The following GPHN variants were observed in gnomAD, a reference collection of about 807,000 sequenced individuals.
GPHN encodes the protein gephyrin.
GPHN carries 17 observed loss-of-function variants against 95.5 expected under a neutral mutation model. The observed-to-expected ratio is 0.18, with a 90% CI of 0.12 to 0.27. The LOEUF (loss-of-function observed/expected upper bound fraction) is 0.27. Ranked by LOEUF, GPHN falls within the 10% of genes least tolerant of loss-of-function variation. The pLI is 1.00. For missense variants in GPHN, 660 were observed against 978.1 expected (o/e 0.67, Z 4.34); for synonymous variants, 320 against 322.5 (o/e 0.99, Z 0.08).
At chr14:67,139,200 T>G (rs796828520) in intron 17 of GPHN, among the ~76,000 whole-genome samples, 5 of 150,650 alleles carry the variant, frequency 3.3e-5, no homozygotes, top group Admixed American at 6.6e-5. Flanking sequence ...TCCAGCCTGG[T>G]CAACAAAGCA....
chr14:67,230,621 T>G, the GPHN span, among the ~76,000 whole-genome samples: 1 of 151,930 alleles, frequency 6.6e-6, no homozygotes, highest in Non-Finnish European at 1.5e-5. Flanking sequence ...AAAAACATGT[T>G]CACAAGACAT....
the GPHN span, among the ~76,000 whole-genome samples, chr14:67,236,334 C>T: frequency 3.9e-5 from 6 of 152,124 alleles, no homozygotes; most frequent in South Asian, 2.1e-4. Context: ...TGTTCCCACC[C>T]GCACCTTCAC....
intron 6 of GPHN, among the ~76,000 whole-genome samples, 179 bp from the exon 7 acceptor site, chr14:66,922,487 A>G (rs1483620998): frequency 1.3e-5 from 2 of 152,158 alleles, no homozygotes; most frequent in East Asian, 1.9e-4. Context: ...GGAGAATGCT[A>G]TAACATATTT....
At chr14:67,332,870 C>T in the GPHN span, 4 of 1,614,012 alleles carry the variant, frequency 2.5e-6, no homozygotes, top group Non-Finnish European at 3.4e-6. Flanking sequence ...GAATTCCGAT[C>T]TTGATAAAGC....
intron 1 of GPHN, among the ~76,000 whole-genome samples, chr14:66,584,122 C>G (rs1442557487): frequency 6.6e-6 from 1 of 151,916 alleles, no homozygotes; most frequent in Non-Finnish European, 1.5e-5. Flanking sequence ...AGTTGGATTC[C>G]TAGGTATTTT....
the GPHN span, chr14:67,353,086 A>G: frequency 1.2e-5 from 18 of 1,447,764 alleles, no homozygotes; most frequent in African/African-American, 7.2e-5. Flanking sequence ...TCATTGTTTA[A>G]AAGACAAAAA....
chr14:67,670,356 T>C, the GPHN span, among the ~76,000 whole-genome samples: 4 of 152,062 alleles, frequency 2.6e-5, no homozygotes, highest in African/African-American at 7.2e-5. Flanking sequence ...CCACATACAT[T>C]CTAAGCTCCA....
chr14:67,285,715 C>T, the GPHN span, among the ~76,000 whole-genome samples: 1 of 152,232 alleles, frequency 6.6e-6, no homozygotes, highest in Middle Eastern at 3.4e-3. Flanking sequence ...AAATCTTCCA[C>T]ATGGTTACCC....
chr14:66,948,169 A>G (rs1291394361), intron 8 of GPHN, among the ~76,000 whole-genome samples: 2 of 152,102 alleles, frequency 1.3e-5, no homozygotes, highest in Admixed American at 1.3e-4. Context: ...TTGTTTTCCT[A>G]AAAGGCAATT....
the GPHN span, among the ~76,000 whole-genome samples, chr14:67,606,311 A>G: frequency 7.2e-5 from 11 of 152,170 alleles, no homozygotes; most frequent in Non-Finnish European, 1.5e-4. Context: ...AGAGCTTAAT[A>G]TTTTCAACTT....
intron 1 of GPHN, among the ~76,000 whole-genome samples, chr14:66,554,055 C>G (rs1271618593): frequency 6.6e-6 from 1 of 151,942 alleles, no homozygotes; most frequent in East Asian, 1.9e-4. Flanking sequence ...TGAAATGATT[C>G]TAGATACAAT....
At chr14:67,407,021 G>A in the GPHN span, among the ~76,000 whole-genome samples, 1 of 152,164 alleles carries the variant, frequency 6.6e-6, no homozygotes, top group Admixed American at 6.5e-5. Context: ...AGAGAAGGAC[G>A]AGGGGCCCAT....
intron 2 of GPHN, among the ~76,000 whole-genome samples, chr14:66,714,836 A>G (rs998714775): frequency 6.6e-6 from 1 of 152,164 alleles, no homozygotes; most frequent in African/African-American, 2.4e-5. Flanking sequence ...CCACTTGATC[A>G]TGGTGGATTA....
chr14:67,312,354 G>A, the GPHN span, among the ~76,000 whole-genome samples: 2 of 152,156 alleles, frequency 1.3e-5, no homozygotes, highest in Non-Finnish European at 2.9e-5. Context: ...GAGGGAGAAG[G>A]ATCGCTTGAG....
intron 18 of GPHN, among the ~76,000 whole-genome samples, chr14:67,156,333 GTA>G: frequency 6.6e-6 from 1 of 152,002 alleles, no homozygotes; most frequent in East Asian, 1.9e-4. Flanking sequence ...ATGCACATAC[GTA>G]TATGCTTAAA....
At chr14:67,561,880 A>G in the GPHN span, 3 of 1,199,638 alleles carry the variant, frequency 2.5e-6, no homozygotes, top group Admixed American at 4.4e-5. Flanking sequence ...AAAAAAAAAA[A>G]AAAAAAGAAT....
downstream of GPHN, among the ~76,000 whole-genome samples, chr14:67,186,317 G>A (rs994974591): frequency 1.3e-5 from 2 of 152,174 alleles, no homozygotes; most frequent in African/African-American, 4.8e-5. Flanking sequence ...CAGTGACTGG[G>A]TGGAGGCCTA....
the GPHN span, among the ~76,000 whole-genome samples, chr14:67,667,694 C>T: frequency 2.6e-5 from 4 of 152,098 alleles, no homozygotes; most frequent in African/African-American, 4.8e-5. Context: ...CCTGTAATCC[C>T]TGCACTTTGG....
chr14:66,680,783 A>G (rs541180748), intron 1 of GPHN, among the ~76,000 whole-genome samples: 27 of 152,184 alleles, frequency 1.8e-4, no homozygotes. Context: ...TTGTGGGGGC[A>G]GTGACTTGCT....
Sources: allele counts gnomAD v4.1 joint callset (sites outside exome capture counted in the v4.1 genomes callset), GRCh38; gene constraint gnomAD v4.1.1; transcripts MANE v1.5; gene names NCBI Gene and HGNC (gene_info 2026-07-23, HGNC 2026-07-21).